Variants in COPG2 observed in about 807,000 individuals in gnomAD.
The protein encoded by COPG2 is coat protein complex I subunit gamma 2, also known as coatomer subunit gamma-2.
COPG2 carries 37 observed loss-of-function variants against 46.3 expected under a neutral mutation model. That is an observed-to-expected ratio of 0.80 (90% CI 0.61 to 1.05). The LOEUF (loss-of-function observed/expected upper bound fraction) is 1.05, where lower values mean the gene tolerates loss of function less well. Among genes scored for constraint, COPG2 ranks in the 50% least tolerant of loss-of-function variants. The pLI is 0.00. For synonymous variants in COPG2, 159 were observed against 129.7 expected (o/e 1.23, Z -1.53); for missense variants, 427 against 387.8 (o/e 1.10, Z -0.85).
At chr7:130,653,087 TA>T in intron 4 of COPG2, 139 bp from the exon 5 acceptor site, 1 of 593,554 alleles carries the variant, frequency 1.7e-6, no homozygotes. Context: ...AAAAAAAAAT[TA>T]ATATCTGGGT....
intron 1 of COPG2, 78 bp from the exon 2 acceptor site, chr7:130,667,612 T>C (rs1796114569): frequency 1.7e-6 from 2 of 1,171,516 alleles, no homozygotes; most frequent in Non-Finnish European, 1.3e-6. Flanking sequence ...AGAAGGGTAC[T>C]GAATGCTTGG....
intron 9 of COPG2, among the ~76,000 whole-genome samples, chr7:130,589,094 T>C (rs2116456119): frequency 6.6e-6 from 1 of 152,240 alleles, no homozygotes; most frequent in East Asian, 1.9e-4. Context: ...CATCCCATAA[T>C]ACAACTAAAC....
At chr7:130,572,564 C>T (rs1478384000) in intron 9 of COPG2, among the ~76,000 whole-genome samples, 3 of 151,970 alleles carry the variant, frequency 2.0e-5, no homozygotes, top group African/African-American at 7.2e-5. Context: ...AGAAAAGAAA[C>T]CAGGGAAATC....
chr7:130,527,748 C>T (rs1251017608), intron 20 of COPG2, among the ~76,000 whole-genome samples: 1 of 152,086 alleles, frequency 6.6e-6, no homozygotes, highest in Non-Finnish European at 1.5e-5. Flanking sequence ...TGTGGCAGGG[C>T]TGATGGAGGC....
intron 9 of COPG2, among the ~76,000 whole-genome samples, chr7:130,600,337 C>T (rs575050988): frequency 3.3e-5 from 5 of 152,132 alleles, no homozygotes; most frequent in South Asian, 2.1e-4. Flanking sequence ...CTTGGCTCAC[C>T]GCAACCTCCG....
intron 5 of COPG2, among the ~76,000 whole-genome samples, chr7:130,646,652 G>A (rs1036717169): frequency 1.3e-5 from 2 of 151,904 alleles, no homozygotes; most frequent in African/African-American, 2.4e-5. Context: ...CAATCCCCAC[G>A]TGTTGAGGGA....
chr7:130,609,819 T>C (rs185543549), intron 9 of COPG2, among the ~76,000 whole-genome samples: 4 of 152,340 alleles, frequency 2.6e-5, no homozygotes, highest in Non-Finnish European at 2.9e-5. Context: ...ATTTTTGATA[T>C]TGTATTTTTT....
intron 9 of COPG2, among the ~76,000 whole-genome samples, chr7:130,597,433 T>C (rs1204627714): frequency 6.6e-6 from 1 of 152,212 alleles, no homozygotes; most frequent in African/African-American, 2.4e-5. Flanking sequence ...CCTGGGGACA[T>C]ATTCATATTA....
At chr7:130,625,375 A>G (rs1348216338) in intron 5 of COPG2, among the ~76,000 whole-genome samples, 2 of 152,118 alleles carry the variant, frequency 1.3e-5, no homozygotes, top group Non-Finnish European at 2.9e-5. Context: ...ACTCATTCTT[A>G]TGTTTCAACT....
rs555934771 is a variant in COPG2 at position 130,512,653 on chromosome 7, G to A, written c.2150-3994C>T. ...GTAAAAATACAAAAATTAGCTGGGC[G>A]TAGTGGCACATGCCTGTAATCCTGG... On this transcript the variant is annotated intron_variant, in intron 20 of 23. Transcript: ENST00000425248. 6.6e-4 allele frequency among the ~76,000 whole-genome samples: 100 copies of A among 152,116 alleles called. No homozygotes were observed. The South Asian group carries it at 0.019, about 29-fold the overall frequency.
chr7:130,567,191 T>C (rs1474882076), intron 9 of COPG2, among the ~76,000 whole-genome samples: 2 of 152,026 alleles, frequency 1.3e-5, no homozygotes, highest in East Asian at 1.9e-4. Flanking sequence ...AAGCTAAACA[T>C]TGAGTGCACA....
intron 5 of COPG2, among the ~76,000 whole-genome samples, chr7:130,647,073 C>T (rs1180763605): frequency 2.7e-5 from 4 of 150,830 alleles, no homozygotes; most frequent in African/African-American, 9.8e-5. Context: ...TGGAATCTCG[C>T]TCTGTCACCC....
intron 5 of COPG2, among the ~76,000 whole-genome samples, chr7:130,639,921 TAGAA>T (rs1237214747): frequency 1.3e-5 from 2 of 151,998 alleles, no homozygotes; most frequent in African/African-American, 4.8e-5. Context: ...TAAGAAAAGA[TAGAA>T]AGAAAAAATA....
intron 5 of COPG2, among the ~76,000 whole-genome samples, chr7:130,649,102 A>C (rs1795680314): frequency 6.6e-6 from 1 of 152,102 alleles, no homozygotes; most frequent in South Asian, 2.1e-4. Flanking sequence ...AGATAATCCC[A>C]TCTCTATTTC....
intron 5 of COPG2, among the ~76,000 whole-genome samples, chr7:130,630,895 G>A (rs1795216107): frequency 6.6e-6 from 1 of 152,106 alleles, no homozygotes; most frequent in African/African-American, 2.4e-5. Context: ...AATCCAATCT[G>A]AGCTGGGCAC....
intron 12 of COPG2, among the ~76,000 whole-genome samples, chr7:130,557,605 G>A (rs1160575463): frequency 2.0e-5 from 3 of 151,872 alleles, no homozygotes; most frequent in Admixed American, 1.3e-4. Flanking sequence ...TCAGGAGCTC[G>A]AGAACAGCCT....
chr7:130,592,284 TGCC>T (rs1330568496), intron 9 of COPG2, among the ~76,000 whole-genome samples: 3 of 151,918 alleles, frequency 2.0e-5, no homozygotes, highest in African/African-American at 7.3e-5. Context: ...CAGGGTCCTC[TGCC>T]TAGGAAAACC....
intron 20 of COPG2, among the ~76,000 whole-genome samples, chr7:130,546,132 G>A (rs1323504806): frequency 2.0e-5 from 3 of 152,080 alleles, no homozygotes; most frequent in African/African-American, 7.2e-5. Flanking sequence ...TTAAAAAACA[G>A]GACATTGGTG....
chr7:130,583,464 T>C (rs1188421602), intron 9 of COPG2, among the ~76,000 whole-genome samples: 2 of 123,938 alleles, frequency 1.6e-5, no homozygotes, highest in African/African-American at 6.3e-5. Context: ...ACCTGCACAA[T>C]GTGCACATGT....
Sources: gnomAD v4.1 joint callset for allele counts (sites outside exome capture counted in the v4.1 genomes callset) on GRCh38, gnomAD v4.1.1 for gene constraint, MANE v1.5 for transcripts, NCBI Gene and HGNC (gene_info 2026-07-23, HGNC 2026-07-21) for gene names.